ARID5A: variants seen among roughly 807,000 people sequenced by gnomAD.
ARID5A encodes the protein AT-rich interaction domain 5A, also known as AT-rich interactive domain-containing protein 5A.
Under a neutral mutation model 30.5 loss-of-function variants are expected in ARID5A, and 14 were observed. The ratio of observed to expected loss-of-function variants is 0.46; its 90% CI spans 0.30 to 0.72. The LOEUF (loss-of-function observed/expected upper bound fraction) is 0.72. Ranked by LOEUF, ARID5A falls within the 30% of genes least tolerant of loss-of-function variation. The pLI is 0.07. For synonymous variants in ARID5A, 338 were observed against 340.4 expected, an observed-to-expected ratio of 0.99 and a Z score of 0.08; for missense variants, 669 against 786.2, an observed-to-expected ratio of 0.85 and a Z score of 1.78.
rs1342468183 is a variant in ARID5A at position 96,552,100 on chromosome 2, C to T, written c.1572C>T (p.Leu524=). 1 of 1,603,952 alleles carries T rather than the reference C, an allele frequency of 6.2e-7. No homozygotes were observed. Among genetic ancestry groups the T allele is most frequent in the East Asian group, 2.2e-5 (1 of 44,824 alleles). Residue 524 remains leucine (L), a synonymous_variant, in exon 7 of 7, where the codon CTC becomes CTT. Coordinates refer to ENST00000357485, the MANE Select transcript of ARID5A (RefSeq NM_212481.3). ...TPGPLKGQAA[L]PFSPLVIPAF... is the part of the protein sequence containing the mutation. ...GCCCCTTGAAGGGCCAGGCTGCACT[C>T]CCCTTCAGCCCCCTGGTCATCCCGG...
Position 96,551,354 on chromosome 2 carries a change from CAGG to C in ARID5A, c.833_835del (p.Glu278del), listed in dbSNP as rs1229775365. 3.7e-6 allele frequency: 6 copies of C among 1,612,882 alleles called. No homozygotes were observed. The highest frequency in any genetic ancestry group is 4.2e-6 in the Non-Finnish European group (5 of 1,179,878). On this transcript the variant is annotated inframe_deletion, in exon 7 of 7. Coordinates refer to ENST00000357485, the MANE Select transcript of ARID5A (RefSeq NM_212481.3). ...GAGCAAGGTGGAGGCCTTGCAGTGC[CAGG>C]AGGAGGGCTGCCGCCATGGGGCAGA...
Position 96,549,899 on chromosome 2 carries a change from A to G in ARID5A, c.312+94A>G. On this transcript the variant is annotated intron_variant, in intron 4 of 6. Transcript: ENST00000357485. The surrounding 1 kb of genome is among the most constrained non-coding windows in gnomAD (Gnocchi z 6.1). The stretch of plus-strand genomic sequence containing the variant: ...GCCTCTGGACAGAGGAAGAGCCAGG[A>G]TCCCCAGTCCTACCCCTGCGTCCCT... 1 of 1,548,612 alleles carries G rather than the reference A, an allele frequency of 6.5e-7. No homozygotes were observed. The highest frequency in any genetic ancestry group is 8.7e-7 in the Non-Finnish European group (1 of 1,145,224).
chr2:96,552,097 A>T lies in ARID5A; in HGVS notation c.1569A>T (p.Ala523=). The T allele has an allele frequency of 6.2e-7, 1 of 1,603,016 alleles. No individual in the cohort carries two copies. Among genetic ancestry groups the T allele is most frequent in the South Asian group, 1.1e-5 (1 of 89,528 alleles). Residue 523 remains alanine, a synonymous_variant, in exon 7 of 7, where the codon GCA becomes GCT. Transcript: ENST00000357485. ...CGGGCCCCTTGAAGGGCCAGGCTGC[A>T]CTCCCCTTCAGCCCCCTGGTCATCC... is the stretch of plus-strand genomic sequence containing the variant. ...GTPGPLKGQA[A]LPFSPLVIPA... is the part of the protein sequence containing the mutation.
Position 96,541,227 on chromosome 2 carries a change from G to A in ARID5A, c.4+4397G>A, listed in dbSNP as rs190687564. Among the ~76,000 whole-genome samples the A allele has an allele frequency of 3.4e-3, 520 of 151,984 alleles. 2 individuals are homozygous for A. The highest frequency in any genetic ancestry group is 0.011 in the African/African-American group (448 of 41,448). On this transcript the variant is annotated intron_variant, in intron 1 of 6. Coordinates refer to ENST00000357485, the MANE Select transcript of ARID5A (RefSeq NM_212481.3). ...TAATTTTTGTATTTTTAGTAGAGAC[G>A]AGGTTTCACCATGTTGGCCAGGATG...
rs1354311625 is a variant in ARID5A at position 96,549,637 on chromosome 2, G to T, written c.260-116G>T. The stretch of plus-strand genomic sequence containing the variant: ...CACAGCCTGCCCGTCTATTGCAGTG[G>T]CCCTGGCTGGGTGTGTGCTGGTCTG... On this transcript the variant is annotated intron_variant, in intron 3 of 6. Coordinates refer to ENST00000357485, the MANE Select transcript of ARID5A (RefSeq NM_212481.3). This position sits in a 1 kb window ranked among gnomAD's most constrained non-coding sequence, Gnocchi z 6.1. The T allele has an allele frequency of 3.9e-6, 6 of 1,534,632 alleles. No homozygotes were observed. The African/African-American group carries it at 6.8e-5, about 17-fold the overall frequency.
chr2:96,546,465 A>T (rs1206637142), intron 1 of ARID5A, among the ~76,000 whole-genome samples: 1 of 152,262 alleles, frequency 6.6e-6, no homozygotes, highest in African/African-American at 2.4e-5. Flanking sequence ...AGTAAAATAC[A>T]GCCCATGGCT....
intron 1 of ARID5A, chr2:96,538,298 G>A (rs2065780379): frequency 1.0e-6 from 1 of 985,474 alleles, no homozygotes. Flanking sequence ...TGGAACTGGG[G>A]CTTTTAGGAC....
In ARID5A at chr2:96,552,418, G is replaced by A. The variant is rs753161622; in HGVS notation, c.*105G>A. 20 of 1,568,016 alleles carry A rather than the reference G, an allele frequency of 1.3e-5. No homozygotes were observed. Among genetic ancestry groups the A allele is most frequent in the African/African-American group, 4.1e-5 (3 of 73,364 alleles). On this transcript the variant is annotated 3_prime_UTR_variant, in exon 7 of 7. Transcript: ENST00000357485. ...CTAGTGCCTGCTACCCAGGACACCC[G>A]GGCCATGCCCCTGGCTGGGCAGCCT...
At chr2:96,538,748 G>A (rs1264376574) in intron 1 of ARID5A, among the ~76,000 whole-genome samples, 2 of 152,218 alleles carry the variant, frequency 1.3e-5, no homozygotes, top group African/African-American at 4.8e-5. Context: ...GGGGCGGGGC[G>A]GCGTCTGCTG....
At position 96,537,245 on chromosome 2, in the gene ARID5A, C is replaced by T. The variant is rs879273779; in HGVS notation, c.4+415C>T. 2.4e-5 allele frequency: 4 copies of T among 163,590 alleles called. No homozygotes were observed. Among genetic ancestry groups the T allele is most frequent in the Non-Finnish European group, 5.3e-5 (4 of 75,630 alleles). The allele number at this position is 163,590 out of a possible 1,614,324, so 10.1% of individuals were successfully genotyped here. A position where few individuals can be genotyped will look rare whatever the true frequency, so the allele number is the denominator to read the frequency against. ...ATTTGTTGTGACAGCTGTCGGCAGCCGCCCCTCCGCCCCGTGACATCCCGC... is the reference window on the plus strand; with the variant it reads ...ATTTGTTGTGACAGCTGTCGGCAGCTGCCCCTCCGCCCCGTGACATCCCGC... On this transcript the variant is annotated intron_variant, in intron 1 of 6. Transcript: ENST00000357485. This position sits in a 1 kb window ranked among gnomAD's most constrained non-coding sequence, Gnocchi z 4.8.
In ARID5A at chr2:96,549,853, T is replaced by C. The variant is rs1223638633; in HGVS notation, c.312+48T>C. On this transcript the variant is annotated intron_variant, in intron 4 of 6. Coordinates refer to ENST00000357485, the MANE Select transcript of ARID5A (RefSeq NM_212481.3). This position sits in a 1 kb window ranked among gnomAD's most constrained non-coding sequence, Gnocchi z 6.1. ...CTTGCCAAACTGCATATCCCTGGGG[T>C]GAGCCTGCAGCGCTGTCCTTGCCTC... 3.1e-6 allele frequency: 5 copies of C among 1,593,314 alleles called. No individual in the cohort carries two copies. In the South Asian group the frequency reaches 5.7e-5, roughly 18 times the overall value.
chr2:96,536,968 T>A, intron 1 of ARID5A, 138 bp downstream of exon 1: 1 of 1,117,034 alleles, frequency 9.0e-7, no homozygotes, highest in Non-Finnish European at 1.1e-6. Flanking sequence ...GGGGTGGGTT[T>A]CGGGGCGCGG....
At position 96,551,193 on chromosome 2, in the gene ARID5A, C is replaced by T; in HGVS notation, c.665C>T (p.Ala222Val). 1.2e-6 allele frequency: 2 copies of T among 1,614,018 alleles called. No homozygotes were observed. Among genetic ancestry groups the T allele is most frequent in the Non-Finnish European group, 1.7e-6 (2 of 1,180,002 alleles). Reference protein sequence around the residue: ...PRNSTEQQGLASGSSVSFVGA... With the variant: ...PRNSTEQQGLVSGSSVSFVGA... ...AACAGCACAGAACAGCAGGGCCTGG[C>T]CTCTGGGTCTTCTGTGTCCTTTGTG... Residue 222 changes from alanine (A) to valine (V), a missense_variant, in exon 7 of 7, where the codon GCC (alanine) becomes GTC (valine). Physicochemically the swap from Ala to Val is moderately conservative, Grantham distance 64 (BLOSUM62 0). Coordinates refer to ENST00000357485, the MANE Select transcript of ARID5A (RefSeq NM_212481.3).
chr2:96,544,918 G>A (rs1452801479), intron 1 of ARID5A, among the ~76,000 whole-genome samples: 1 of 152,162 alleles, frequency 6.6e-6, no homozygotes, highest in East Asian at 1.9e-4. Flanking sequence ...GGGAGAATTT[G>A]ATTCCAACCT....
chr2:96,552,455 A>C lies in ARID5A; in HGVS notation c.*142A>C. 6.5e-7 allele frequency: 1 copy of C among 1,544,020 alleles called. No individual in the cohort carries two copies. Among genetic ancestry groups the C allele is most frequent in the East Asian group, 2.4e-5 (1 of 40,976 alleles). The stretch of plus-strand genomic sequence containing the variant: ...TGGCTGGGCAGCCTGGCACAAGTGA[A>C]GAAGAAGGCAGTGGGAAAACTGGGT... On this transcript the variant is annotated 3_prime_UTR_variant, in exon 7 of 7. Transcript: ENST00000357485.
rs1189149519 is a variant in ARID5A, at chr2:96,539,282, C to T, written c.4+2452C>T. On this transcript the variant is annotated intron_variant, in intron 1 of 6. Coordinates refer to ENST00000357485, the MANE Select transcript of ARID5A (RefSeq NM_212481.3). This position sits in a 1 kb window ranked among gnomAD's most constrained non-coding sequence, Gnocchi z 4.7. Reference sequence around the variant, plus strand: ...GCCATGCAGTGCTGGAACCCCTTGCCCCATCTGTCCTCTTGGCCCACTTTC... The same window carrying T: ...GCCATGCAGTGCTGGAACCCCTTGCTCCATCTGTCCTCTTGGCCCACTTTC... 1.3e-5 allele frequency among the ~76,000 whole-genome samples: 2 copies of T among 152,220 alleles called. No individual in the cohort carries two copies. Among genetic ancestry groups the T allele is most frequent in the Non-Finnish European group, 1.5e-5 (1 of 68,026 alleles).
chr2:96,550,383 A>G lies in ARID5A; in HGVS notation c.410+98A>G. 1 of 1,427,732 alleles carries G rather than the reference A, an allele frequency of 7.0e-7. No individual in the cohort carries two copies. Among genetic ancestry groups the G allele is most frequent in the South Asian group, 1.5e-5 (1 of 66,598 alleles). The allele number at this position is 1,427,732 out of a possible 1,614,324, so 88.4% of individuals were successfully genotyped here. The stretch of plus-strand genomic sequence containing the variant: ...CGGGTGGACTCTGCCCGGAGCGGGC[A>G]GGGTATGCGCCGTCCTCAGAGCTGC... On this transcript the variant is annotated intron_variant, in intron 5 of 6. Coordinates refer to ENST00000357485, the MANE Select transcript of ARID5A (RefSeq NM_212481.3). The surrounding 1 kb of genome is among the most constrained non-coding windows in gnomAD (Gnocchi z 6.6).
chr2:96,552,607 C>A lies in ARID5A; in HGVS notation c.*294C>A. On this transcript the variant is annotated 3_prime_UTR_variant, in exon 7 of 7. Transcript: ENST00000357485. ...AGCACCCAGGTTGCCCACGGAAAATCCAATAAAAAGACACCAGTGTGAATC... is the reference window on the plus strand; with the variant it reads ...AGCACCCAGGTTGCCCACGGAAAATACAATAAAAAGACACCAGTGTGAATC... 6.9e-7 allele frequency: 1 copy of A among 1,448,894 alleles called. No homozygotes were observed. Among genetic ancestry groups the A allele is most frequent in the South Asian group, 1.3e-5 (1 of 76,718 alleles). The allele number at this position is 1,448,894 out of a possible 1,614,324, so 89.8% of individuals were successfully genotyped here. A position where few individuals can be genotyped will look rare whatever the true frequency, so the allele number is the denominator to read the frequency against.
In ARID5A at chr2:96,545,760, T is replaced by G. The variant is rs538176686; in HGVS notation, c.5-1642T>G. Among the ~76,000 whole-genome samples, 4 of 151,708 alleles carry G rather than the reference T, an allele frequency of 2.6e-5. No homozygotes were observed. In the East Asian group the frequency reaches 7.8e-4, roughly 30 times the overall value. ...CATGAGGTCAGGAGTTTGAGACCAG[T>G]CTGGCCAATATGGTGAAACCCCGTC... On this transcript the variant is annotated intron_variant, in intron 1 of 6. Transcript: ENST00000357485.
Sources: allele counts gnomAD v4.1 joint callset (sites outside exome capture counted in the v4.1 genomes callset), GRCh38; gene constraint gnomAD v4.1.1; non-coding constraint Gnocchi (gnomAD v3.1); transcripts MANE v1.5; gene names NCBI Gene and HGNC (gene_info 2026-07-23, HGNC 2026-07-21).